PDZD9: variants seen among roughly 807,000 people sequenced by gnomAD.
PDZD9 encodes the protein PDZ domain containing 9, also known as PDZ domain-containing protein 9.
PDZD9 carries 13 observed loss-of-function variants against 16.3 expected under a neutral mutation model. That is an observed-to-expected ratio of 0.80 (90% CI 0.52 to 1.27). The LOEUF is 1.27. PDZD9 is among the 50% of genes most tolerant of loss of function. PDZD9 has a pLI of 0.00. For synonymous variants in PDZD9, 120 were observed against 111.0 expected, an observed-to-expected ratio of 1.08 and a Z score of -0.51; for missense variants, 288 against 310.9, an observed-to-expected ratio of 0.93 and a Z score of 0.55.
downstream of PDZD9, chr16:21,983,472 ATT>A: frequency 2.6e-6 from 1 of 377,390 alleles, no homozygotes; most frequent in Non-Finnish European, 4.7e-6. Context: ...ATCAGAAACT[ATT>A]AAAATTAAGG....
At chr16:21,983,143 G>A (rs72784909), downstream of PDZD9, 1 of 1,614,058 alleles carries the variant, frequency 6.2e-7, no homozygotes, top group Non-Finnish European at 8.5e-7. Flanking sequence ...GGAAATTTGG[G>A]ACATACACCT....
downstream of PDZD9, chr16:21,980,691 T>C (rs1316231625): frequency 1.9e-6 from 3 of 1,613,136 alleles, no homozygotes; most frequent in Non-Finnish European, 2.5e-6. Flanking sequence ...CTAATGCTGA[T>C]ATCATAAATG....
At chr16:21,990,933 T>C (rs1052191922) in intron 2 of PDZD9, among the ~76,000 whole-genome samples, 3 of 152,222 alleles carry the variant, frequency 2.0e-5, no homozygotes, top group African/African-American at 7.2e-5. Context: ...CCAACCTCAT[T>C]ACACCTTTTT....
At chr16:21,988,866 G>A (rs1299528432) in intron 2 of PDZD9, 75 bp from the exon 3 acceptor site, 4 of 1,238,750 alleles carry the variant, frequency 3.2e-6, no homozygotes, top group Non-Finnish European at 4.4e-6. Flanking sequence ...GCTTTATTGT[G>A]AGGTATTTCA....
chr16:21,962,844 TA>T, the PDZD9 span: 1 of 1,614,120 alleles, frequency 6.2e-7, no homozygotes, highest in South Asian at 1.1e-5. Context: ...CAGCCTCAGC[TA>T]AAGATTGACA....
the PDZD9 span, among the ~76,000 whole-genome samples, chr16:21,973,330 C>T: frequency 6.6e-6 from 1 of 152,070 alleles, no homozygotes; most frequent in Non-Finnish European, 1.5e-5. Flanking sequence ...TGTAAATGGT[C>T]CACATAAACA....
At chr16:21,972,361 T>C in the PDZD9 span, among the ~76,000 whole-genome samples, 2 of 152,190 alleles carry the variant, frequency 1.3e-5, no homozygotes, top group African/African-American at 4.8e-5. Flanking sequence ...TGCTTAGAAA[T>C]AAAGGGAATC....
the PDZD9 span, chr16:21,968,541 T>C: frequency 1.1e-5 from 14 of 1,252,630 alleles, no homozygotes; most frequent in Non-Finnish European, 1.5e-5. Flanking sequence ...TATAAGTATT[T>C]ATTTTCTTCC....
chr16:21,961,017 A>T, the PDZD9 span, among the ~76,000 whole-genome samples: 2 of 152,006 alleles, frequency 1.3e-5, no homozygotes, highest in African/African-American at 2.4e-5. Context: ...TTTTGTACAA[A>T]TGGAGGTCTC....
At chr16:21,976,341 G>A in the PDZD9 span, 12 of 1,030,498 alleles carry the variant, frequency 1.2e-5, no homozygotes, top group South Asian at 1.6e-4. Flanking sequence ...CATAAGGACT[G>A]AGAAGTACAG....
At chr16:21,958,474 G>A in the PDZD9 span, 19 of 1,439,974 alleles carry the variant, frequency 1.3e-5, no homozygotes, top group South Asian at 2.0e-4. Context: ...TTGATATAGT[G>A]TGATGTTTGG....
chr16:21,979,130 A>G (rs1362166708), downstream of PDZD9, among the ~76,000 whole-genome samples: 1 of 152,154 alleles, frequency 6.6e-6, no homozygotes, highest in African/African-American at 2.4e-5. Flanking sequence ...CCTTTATAAC[A>G]CTGTGACCCC....
chr16:21,991,385 A>G (rs888993216), intron 2 of PDZD9, among the ~76,000 whole-genome samples: 3 of 152,066 alleles, frequency 2.0e-5, no homozygotes, highest in Non-Finnish European at 4.4e-5. Flanking sequence ...GCAAGCGCAT[A>G]TGCCCACCAT....
At chr16:21,975,053 G>C in the PDZD9 span, among the ~76,000 whole-genome samples, 4 of 152,314 alleles carry the variant, frequency 2.6e-5, no homozygotes, top group Middle Eastern at 0.014. Flanking sequence ...CAGTCAGTCA[G>C]CACTGTCATG....
At position 21,994,635 on chromosome 16, in the gene PDZD9, AG is replaced by A. The variant is rs1899100823; in HGVS notation, c.211+1686del. ...TGCAAGGTGGTTTCATGCAGAATCT[AG>A]CTCAGGGATTGTGAGAGTGAAATGA... On this transcript the variant is annotated intron_variant, in intron 2 of 3. Transcript: ENST00000424898. Among the ~76,000 whole-genome samples the A allele has an allele frequency of 2.6e-5, 4 of 152,192 alleles. No individual in the cohort carries two copies. The South Asian group carries it at 6.2e-4, about 24-fold the overall frequency.
chr16:21,981,909 C>T (rs768898593), downstream of PDZD9, among the ~76,000 whole-genome samples: 4 of 150,016 alleles, frequency 2.7e-5, no homozygotes, highest in South Asian at 2.1e-4. Flanking sequence ...GGCGCGATCT[C>T]GGCTCAGTAC....
At chr16:21,961,762 C>T in the PDZD9 span, among the ~76,000 whole-genome samples, 16 of 149,994 alleles carry the variant, frequency 1.1e-4, no homozygotes, top group Non-Finnish European at 5.9e-5. Flanking sequence ...AGCGATTCTC[C>T]TGCCTCAGCC....
At chr16:21,968,712 C>T in the PDZD9 span, 3 of 1,589,994 alleles carry the variant, frequency 1.9e-6, no homozygotes, top group Non-Finnish European at 2.6e-6. Flanking sequence ...GCCTGCCTGT[C>T]AGTTTGCTTC....
the PDZD9 span, chr16:21,962,534 T>A: frequency 6.2e-7 from 1 of 1,614,114 alleles, no homozygotes; most frequent in Non-Finnish European, 8.5e-7. Context: ...CCTGTGTGTG[T>A]TTAGGACTTC....
Sources: allele counts gnomAD v4.1 joint callset (sites outside exome capture counted in the v4.1 genomes callset), GRCh38; gene constraint gnomAD v4.1.1; transcripts MANE v1.5; gene names NCBI Gene and HGNC (gene_info 2026-07-23, HGNC 2026-07-21).